The following LIFR variants were observed in gnomAD, a reference collection of about 807,000 sequenced individuals.
The protein encoded by LIFR is leukemia inhibitory factor receptor.
A neutral mutation model predicts 122.2 loss-of-function variants in LIFR; 84 were observed. The ratio of observed to expected loss-of-function variants is 0.69; its 90% CI spans 0.58 to 0.82. LIFR has a LOEUF of 0.82. LIFR is among the 40% of genes least tolerant of loss of function. The pLI, the probability that LIFR is intolerant of heterozygous loss-of-function variation, is 0.00. For missense variants in LIFR, 1,294 were observed against 1,311.6 expected (o/e 0.99, Z 0.21); for synonymous variants, 422 against 434.7 (o/e 0.97, Z 0.36).
At chr5:38,559,746 G>A (rs1748761844), upstream of LIFR, among the ~76,000 whole-genome samples, 1 of 152,212 alleles carries the variant, frequency 6.6e-6, no homozygotes, top group Non-Finnish European at 1.5e-5. Flanking sequence ...TGGGACTGAA[G>A]TAGCAAAATG....
rs1170701703 is a variant in LIFR, at chr5:38,477,054, T to C, written c.*4541A>G. 2 of 224,678 alleles carry C rather than the reference T, an allele frequency of 8.9e-6. No homozygotes were observed. The highest frequency in any genetic ancestry group is 5.7e-5 in the Admixed American group (1 of 17,484). 13.9% of individuals were successfully genotyped at this position (224,678 alleles called of 1,614,324 possible). On this transcript the variant is annotated 3_prime_UTR_variant, in exon 20 of 20. Transcript: ENST00000453190. ...TTACCATGTACAATAAAGCCTGAAA[T>C]AGCCAACTAATTGAATGTTATTCTT...
At chr5:38,537,501 G>T (rs1036926847) in intron 1 of LIFR, among the ~76,000 whole-genome samples, 7 of 152,134 alleles carry the variant, frequency 4.6e-5, no homozygotes, top group Non-Finnish European at 8.8e-5. Flanking sequence ...GAATGAACTT[G>T]TTTCTTCCCT....
At chr5:38,545,876 A>G (rs1747861578) in intron 1 of LIFR, among the ~76,000 whole-genome samples, 1 of 151,490 alleles carries the variant, frequency 6.6e-6, no homozygotes, top group Admixed American at 6.6e-5. Flanking sequence ...AAAAAGAAAA[A>G]AAAAAAAAAA....
At chr5:38,501,281 C>T (rs1295953765) in intron 11 of LIFR, among the ~76,000 whole-genome samples, 1 of 152,170 alleles carries the variant, frequency 6.6e-6, no homozygotes, top group Non-Finnish European at 1.5e-5. Context: ...GTAATTCTTA[C>T]ACATGTCGCA....
intron 1 of LIFR, among the ~76,000 whole-genome samples, chr5:38,577,089 A>G (rs1442861853): frequency 6.6e-6 from 1 of 152,256 alleles, no homozygotes; most frequent in Admixed American, 6.5e-5. Flanking sequence ...AGCTTAAGAC[A>G]TTCAAAGACA....
chr5:38,500,764 C>G (rs1047741525), intron 11 of LIFR, among the ~76,000 whole-genome samples: 1 of 152,200 alleles, frequency 6.6e-6, no homozygotes, highest in Non-Finnish European at 1.5e-5. Context: ...AGTGGCTAGT[C>G]TCCAAAATGA....
At chr5:38,563,654 G>A (rs1236975858) in intron 1 of LIFR, among the ~76,000 whole-genome samples, 3 of 152,124 alleles carry the variant, frequency 2.0e-5, no homozygotes, top group African/African-American at 7.2e-5. Flanking sequence ...AAGCACTTAC[G>A]GCATGCCAGG....
chr5:38,567,494 C>CTGTA (rs1749060160), intron 1 of LIFR, among the ~76,000 whole-genome samples: 3 of 88,312 alleles, frequency 3.4e-5, no homozygotes, highest in African/African-American at 7.9e-5. Flanking sequence ...TATGACCATT[C>CTGTA]TGTATTTATT....
intron 1 of LIFR, among the ~76,000 whole-genome samples, chr5:38,536,830 G>A (rs1747318464): frequency 6.6e-6 from 1 of 152,230 alleles, no homozygotes; most frequent in African/African-American, 2.4e-5. Flanking sequence ...CGTTCTGCAT[G>A]TAGGAAAATA....
rs746821182 is a variant in LIFR at position 38,530,639 on chromosome 5, A to C, written c.9T>G (p.Asp3Glu). 16 of 1,613,962 alleles carry C rather than the reference A, an allele frequency of 9.9e-6. No individual in the cohort carries two copies. The highest frequency in any genetic ancestry group is 1.4e-5 in the Non-Finnish European group (16 of 1,179,834). The change falls in exon 2 of 20, where the codon GAT becomes GAG. Residue 3 changes from aspartate to glutamate, a missense_variant. Coordinates refer to ENST00000453190, the MANE Select transcript of LIFR (RefSeq NM_001127671.2). MM[D>E]IYVCLKRPSW... ...ATGGTCGTTTCAAACATACGTAAAT[A>C]TCCATCATCTGTGCAATGCAGTCAG...
rs906559459 is a variant in LIFR, at chr5:38,480,390, A to G, written c.*1205T>C. The G allele has an allele frequency of 4.9e-5, 11 of 225,720 alleles. No individual in the cohort carries two copies. Among genetic ancestry groups the G allele is most frequent in the Non-Finnish European group, 9.7e-5 (11 of 113,360 alleles). The allele number at this position is 225,720 out of a possible 1,614,324, so 14.0% of individuals were successfully genotyped here. A position where few individuals can be genotyped will look rare whatever the true frequency, so the allele number is the denominator to read the frequency against. ...CTCACCAAGCAATTGCTGCACCTGC[A>G]ACACAGGTATGCCCATGGATTCAGA... On this transcript the variant is annotated 3_prime_UTR_variant, in exon 20 of 20. Coordinates refer to ENST00000453190, the MANE Select transcript of LIFR (RefSeq NM_001127671.2).
intron 1 of LIFR, among the ~76,000 whole-genome samples, chr5:38,551,385 C>T (rs911802798): frequency 9.8e-5 from 15 of 152,330 alleles, no homozygotes; most frequent in Middle Eastern, 3.4e-3. Flanking sequence ...ACCTCCAACT[C>T]GACAGGTACA....
At chr5:38,598,903 A>G, upstream of LIFR, among the ~76,000 whole-genome samples, 1 of 152,250 alleles carries the variant, frequency 6.6e-6, no homozygotes, top group East Asian at 1.9e-4. Context: ...GGTTAAAACC[A>G]TAAGATAATT....
intron 11 of LIFR, among the ~76,000 whole-genome samples, chr5:38,501,096 A>G (rs1745150958): frequency 6.6e-6 from 1 of 152,178 alleles, no homozygotes; most frequent in Admixed American, 6.5e-5. Flanking sequence ...GAAAGACTCC[A>G]AGTCAGAGAG....
intron 15 of LIFR, among the ~76,000 whole-genome samples, chr5:38,489,830 C>CAA (rs35145667): frequency 0.012 from 1,377 of 116,906 alleles, 29 homozygotes; most frequent in East Asian, 0.042. Context: ...CTCATCTCTA[C>CAA]AAAAAAAAAA....
Position 38,488,324 on chromosome 5 carries a change from G to A in LIFR, c.2335+754C>T, listed in dbSNP as rs1047101449. On this transcript the variant is annotated intron_variant, in intron 16 of 19. Transcript: ENST00000453190. ...AGTGCTCGGCCAGCACTGCCATACCGTGGTGGAGTTCTCTATTTCTCAGAC... is the reference window on the plus strand; with the variant it reads ...AGTGCTCGGCCAGCACTGCCATACCATGGTGGAGTTCTCTATTTCTCAGAC... Among the ~76,000 whole-genome samples, 5 of 152,262 alleles carry A rather than the reference G, an allele frequency of 3.3e-5. No individual in the cohort carries two copies. In the East Asian group the frequency reaches 5.8e-4, roughly 18 times the overall value.
chr5:38,604,260 C>T (rs552725086), intron 2 of LIFR, among the ~76,000 whole-genome samples: 3 of 152,280 alleles, frequency 2.0e-5, no homozygotes, highest in African/African-American at 7.2e-5. Context: ...TCCTACTGAA[C>T]TCCCAGACCT....
chr5:38,594,967 T>A lies in LIFR; in HGVS notation c.-20+294A>T, dbSNP rs186528221. 4.3e-3 allele frequency: 827 copies of A among 193,638 alleles called. 16 individuals are homozygous for A. The highest frequency in any genetic ancestry group is 0.041 in the Admixed American group (671 of 16,358). 12.0% of individuals were successfully genotyped at this position (193,638 alleles called of 1,614,324 possible). On this transcript the variant is annotated intron_variant, in intron 1 of 19. Coordinates refer to the LIFR transcript ENST00000263409. ...CTGTACAACTGTATACAGTGACCATTTCTACTCTGGGTCTCTAAACAAGGG... is the reference window on the plus strand; with the variant it reads ...CTGTACAACTGTATACAGTGACCATATCTACTCTGGGTCTCTAAACAAGGG...
intron 15 of LIFR, among the ~76,000 whole-genome samples, 169 bp downstream of exon 15, chr5:38,490,021 A>AG (rs1744494615): frequency 7.1e-6 from 1 of 140,198 alleles, no homozygotes; most frequent in African/African-American, 2.7e-5. Context: ...AAAAAAAAAA[A>AG]GAGGAGGAGG....
Sources: gnomAD v4.1 joint callset for allele counts (sites outside exome capture counted in the v4.1 genomes callset) on GRCh38, gnomAD v4.1.1 for gene constraint, MANE v1.5 for transcripts, NCBI Gene and HGNC (gene_info 2026-07-23, HGNC 2026-07-21) for gene names.